CDCP2: variants seen among roughly 807,000 people sequenced by gnomAD.
CDCP2 encodes the protein CUB domain-containing protein 2.
Under a neutral mutation model 31.0 loss-of-function variants are expected in CDCP2, and 31 were observed. That is an observed-to-expected ratio of 1.00 (90% CI 0.75 to 1.35). CDCP2 has a LOEUF of 1.35. Ranked by LOEUF, CDCP2 falls within the 40% of genes most tolerant of loss-of-function variation. The pLI is 0.00. For missense variants in CDCP2, 443 were observed against 482.6 expected (o/e 0.92, Z 0.77); for synonymous variants, 206 against 207.9 (o/e 0.99, Z 0.08).
intron 3 of CDCP2, 85 bp downstream of exon 3, chr1:54,141,013 A>C (rs890739867): frequency 1.4e-5 from 16 of 1,165,888 alleles, no homozygotes; most frequent in Non-Finnish European, 1.9e-5. Context: ...GGGGGGCAGA[A>C]AGGTGTGACC....
chr1:54,142,552 T>C (rs1659392374), intron 2 of CDCP2: 1 of 152,252 alleles, frequency 6.6e-6, no homozygotes, highest in Non-Finnish European at 1.5e-5. Context: ...TGCGACTTGC[T>C]GGAGGTCACC....
chr1:54,134,976 G>A (rs1659235772), intron 5 of CDCP2, among the ~76,000 whole-genome samples: 1 of 152,046 alleles, frequency 6.6e-6, no homozygotes, highest in African/African-American at 2.4e-5. Flanking sequence ...TATGGACTAG[G>A]TGACTTTATG....
intron 5 of CDCP2, among the ~76,000 whole-genome samples, chr1:54,133,922 C>CAAAAAAAAA (rs58882302): frequency 0.78 from 116,302 of 148,268 alleles, 46,967 homozygotes; most frequent in East Asian, 0.94. Flanking sequence ...ACAAAAAAAA[C>CAAAAAAAAA]CCCATGTTAC....
intron 1 of CDCP2, 72 bp downstream of exon 1, chr1:54,152,772 T>G: frequency 7.0e-7 from 1 of 1,434,840 alleles, no homozygotes; most frequent in Non-Finnish European, 9.7e-7. Context: ...ATGTAGAAAC[T>G]TCTTGAGCCC....
chr1:54,139,880 G>A, exon 4 of CDCP2: 2 of 1,614,136 alleles, frequency 1.2e-6, no homozygotes, highest in Admixed American at 1.7e-5. Context: ...TCCCCAGCAG[G>A]GGTGCCTCCT....
intron 2 of CDCP2, among the ~76,000 whole-genome samples, chr1:54,143,210 C>T (rs1046561653): frequency 6.6e-6 from 1 of 152,176 alleles, no homozygotes; most frequent in Middle Eastern, 3.4e-3. Context: ...GTGGGTGGCG[C>T]GCGCCTGTAA....
chr1:54,144,772 A>G, exon 2 of CDCP2: 1 of 1,613,936 alleles, frequency 6.2e-7, no homozygotes, highest in Non-Finnish European at 8.5e-7. Flanking sequence ...GGGCTGGAGA[A>G]GTTTCCAGAA....
exon 4 of CDCP2, chr1:54,139,984 T>C: frequency 6.2e-7 from 1 of 1,614,124 alleles, no homozygotes; most frequent in East Asian, 2.2e-5. Flanking sequence ...AAGAACACCT[T>C]GACCTGGTAG....
intron 2 of CDCP2, 92 bp from the exon 3 acceptor site, chr1:54,141,525 C>A (rs1659375593): frequency 9.9e-6 from 11 of 1,115,714 alleles, no homozygotes; most frequent in Non-Finnish European, 1.4e-5. Context: ...ATGCTGCCCC[C>A]ACAGGTATCT....
intron 1 of CDCP2, 88 bp from the exon 2 acceptor site, chr1:54,144,901 G>C: frequency 2.0e-6 from 2 of 1,001,242 alleles, no homozygotes; most frequent in Non-Finnish European, 2.9e-6. Flanking sequence ...ACAAAGCTGG[G>C]TTCTTGGGAT....
At chr1:54,144,689 C>A (rs1384400018) in exon 2 of CDCP2, 13 of 1,614,112 alleles carry the variant, frequency 8.1e-6, no homozygotes, top group Non-Finnish European at 1.1e-5. Flanking sequence ...AGGTGAGCAG[C>A]ACCGAGGATC....
exon 2 of CDCP2, chr1:54,144,732 G>C (rs1246293539): frequency 6.2e-7 from 1 of 1,614,016 alleles, no homozygotes; most frequent in African/African-American, 1.3e-5. Flanking sequence ...GCTGCACTCT[G>C]TGTTGTAGGG....
At chr1:54,145,221 T>C (rs1418125072) in intron 1 of CDCP2, among the ~76,000 whole-genome samples, 1 of 151,986 alleles carries the variant, frequency 6.6e-6, no homozygotes, top group Non-Finnish European at 1.5e-5. Context: ...AGGTCAGGAG[T>C]TCGAGACCAG....
chr1:54,139,778 C>T (rs1184827660), exon 4 of CDCP2: 1 of 1,614,088 alleles, frequency 6.2e-7, no homozygotes, highest in African/African-American at 1.3e-5. Flanking sequence ...CAGAGAAGCC[C>T]CTGCGGGTGG....
intron 1 of CDCP2, among the ~76,000 whole-genome samples, chr1:54,149,885 C>T (rs6699826): frequency 0.15 from 23,505 of 152,304 alleles, 1,940 homozygotes; most frequent in Middle Eastern, 0.18. Flanking sequence ...AGGGCAGGTG[C>T]TACTGACCCA....
chr1:54,151,060 T>C (rs997023038), intron 1 of CDCP2, among the ~76,000 whole-genome samples: 3 of 152,094 alleles, frequency 2.0e-5, no homozygotes, highest in Non-Finnish European at 4.4e-5. Flanking sequence ...GGGCCAGCAG[T>C]ATCAAGGAGG....
At chr1:54,140,003 C>T in exon 4 of CDCP2, 1 of 1,614,096 alleles carries the variant, frequency 6.2e-7, no homozygotes, top group Non-Finnish European at 8.5e-7. Context: ...AGCCCGGGGG[C>T]AGGCGGATGG....
chr1:54,141,054 A>G (rs1659359917), intron 3 of CDCP2, 44 bp downstream of exon 3: 1 of 1,478,268 alleles, frequency 6.8e-7, no homozygotes. Context: ...ACAGGAGCCC[A>G]GTAGGCACAG....
chr1:54,140,117 G>T lies in CDCP2; in HGVS notation c.764-11C>A. The T allele has an allele frequency of 1.9e-6, 3 of 1,611,372 alleles. No individual in the cohort carries two copies. The highest frequency in any genetic ancestry group is 2.5e-6 in the Non-Finnish European group (3 of 1,178,450). On this transcript the variant is annotated splice_polypyrimidine_tract_variant and intron_variant, in intron 3 of 5. Coordinates refer to ENST00000530059, the Ensembl canonical transcript of CDCP2. ...CCTCCTGGCATTCTCCTGGATGGGG[G>T]ATGGGGAGGTGGAAGGAGCAACAGT...
Sources: gnomAD v4.1 joint callset for allele counts (sites outside exome capture counted in the v4.1 genomes callset) on GRCh38, gnomAD v4.1.1 for gene constraint, MANE v1.5 for transcripts, NCBI Gene and HGNC (gene_info 2026-07-23, HGNC 2026-07-21) for gene names.